FSTL4: variants seen among roughly 807,000 people sequenced by gnomAD.
FSTL4 encodes the protein follistatin like 4.
A neutral mutation model predicts 78.2 loss-of-function variants in FSTL4; 28 were observed. The ratio of observed to expected loss-of-function variants is 0.36; its 90% CI spans 0.27 to 0.49. The LOEUF (loss-of-function observed/expected upper bound fraction) is 0.49, where lower values mean the gene tolerates loss of function less well. Ranked by LOEUF, FSTL4 falls within the 20% of genes least tolerant of loss-of-function variation. The pLI is 0.98. For missense variants in FSTL4, 922 were observed against 1,084.9 expected, an observed-to-expected ratio of 0.85 and a Z score of 2.11; for synonymous variants, 422 against 440.5, an observed-to-expected ratio of 0.96 and a Z score of 0.53.
chr5:133,475,438 C>T (rs1019992718), intron 3 of FSTL4, among the ~76,000 whole-genome samples: 1 of 152,234 alleles, frequency 6.6e-6, no homozygotes, highest in Admixed American at 6.5e-5. Flanking sequence ...GTGCCTCCCC[C>T]TCCCCTGCCA....
At chr5:133,782,048 A>T in the FSTL4 span, among the ~76,000 whole-genome samples, 1 of 152,258 alleles carries the variant, frequency 6.6e-6, no homozygotes, top group African/African-American at 2.4e-5. Context: ...TGTGGAAAAC[A>T]GCAAACTCAG....
intron 2 of FSTL4, among the ~76,000 whole-genome samples, chr5:133,578,095 G>C (rs1381139837): frequency 6.6e-6 from 1 of 152,158 alleles, no homozygotes; most frequent in African/African-American, 2.4e-5. Flanking sequence ...GAGTTTAAAG[G>C]GAGGTTTATC....
chr5:133,212,941 A>C (rs1317069007), intron 13 of FSTL4, among the ~76,000 whole-genome samples: 1 of 152,212 alleles, frequency 6.6e-6, no homozygotes, highest in Non-Finnish European at 1.5e-5. Context: ...TAATGAAATG[A>C]TACCTTAAAA....
At chr5:133,685,210 G>A in the FSTL4 span, among the ~76,000 whole-genome samples, 2 of 152,178 alleles carry the variant, frequency 1.3e-5, no homozygotes, top group Admixed American at 1.3e-4. Flanking sequence ...CTCCTGGGAT[G>A]GGGCCCATCC....
At chr5:133,285,583 C>G (rs543347518) in intron 6 of FSTL4, among the ~76,000 whole-genome samples, 1 of 152,208 alleles carries the variant, frequency 6.6e-6, no homozygotes, top group South Asian at 2.1e-4. Flanking sequence ...CCTGTTTCCT[C>G]CAAGGCCAAG....
intron 3 of FSTL4, among the ~76,000 whole-genome samples, chr5:133,434,333 T>C (rs1438996318): frequency 6.6e-6 from 1 of 152,240 alleles, no homozygotes; most frequent in Non-Finnish European, 1.5e-5. Context: ...TATTTCACCT[T>C]AGTCTTTTCC....
chr5:133,751,049 C>A, the FSTL4 span, among the ~76,000 whole-genome samples: 2 of 152,038 alleles, frequency 1.3e-5, no homozygotes, highest in Admixed American at 1.3e-4. Context: ...GCCCTCCCAT[C>A]CTTCGCCACC....
the FSTL4 span, among the ~76,000 whole-genome samples, chr5:133,632,006 G>A: frequency 6.6e-6 from 1 of 152,112 alleles, no homozygotes; most frequent in East Asian, 1.9e-4. Context: ...TGTGGGGTGG[G>A]GGTTAGGGGA....
the FSTL4 span, among the ~76,000 whole-genome samples, chr5:133,657,168 C>T: frequency 7.6e-4 from 116 of 152,238 alleles, 1 homozygote; most frequent in African/African-American, 2.7e-3. Flanking sequence ...AAGTCCGCTA[C>T]GCTGTGCTGT....
intron 3 of FSTL4, among the ~76,000 whole-genome samples, chr5:133,410,755 T>C (rs541433652): frequency 1.4e-4 from 22 of 152,314 alleles, no homozygotes; most frequent in Admixed American, 5.9e-4. Context: ...AAATATCTAA[T>C]ATTAGCACAG....
chr5:133,630,218 C>T, the FSTL4 span, among the ~76,000 whole-genome samples: 11 of 152,384 alleles, frequency 7.2e-5, no homozygotes, highest in East Asian at 2.1e-3. Context: ...TCTCTGTTTG[C>T]AGATGACATG....
At chr5:133,229,582 A>G (rs767709098) in intron 8 of FSTL4, among the ~76,000 whole-genome samples, 49 of 152,186 alleles carry the variant, frequency 3.2e-4, no homozygotes, top group Non-Finnish European at 8.8e-5. Context: ...AGAAGAAAAA[A>G]TATCCAAGAA....
chr5:133,271,500 C>A (rs1280549554), intron 6 of FSTL4, among the ~76,000 whole-genome samples: 1 of 152,198 alleles, frequency 6.6e-6, no homozygotes, highest in Admixed American at 6.5e-5. Flanking sequence ...CTTTAAACTT[C>A]TTGCCAGGAG....
At chr5:133,696,363 GC>G in the FSTL4 span, among the ~76,000 whole-genome samples, 2 of 152,198 alleles carry the variant, frequency 1.3e-5, no homozygotes, top group Non-Finnish European at 2.9e-5. Flanking sequence ...CTGGGCATCC[GC>G]CCCATCCACC....
intron 3 of FSTL4, among the ~76,000 whole-genome samples, chr5:133,489,122 T>A (rs1758204565): frequency 6.6e-6 from 1 of 152,172 alleles, no homozygotes; most frequent in Non-Finnish European, 1.5e-5. Context: ...CCCAGAAGCA[T>A]CCAAAATTCT....
the FSTL4 span, among the ~76,000 whole-genome samples, chr5:133,714,101 C>G: frequency 6.6e-6 from 1 of 152,150 alleles, no homozygotes; most frequent in African/African-American, 2.4e-5. Context: ...AAGGGCTCGT[C>G]TGGGCGCTGG....
At chr5:133,820,570 T>C in the FSTL4 span, among the ~76,000 whole-genome samples, 1 of 152,240 alleles carries the variant, frequency 6.6e-6, no homozygotes, top group Non-Finnish European at 1.5e-5. Context: ...CTGTGATTTA[T>C]ACATTGCAGT....
the FSTL4 span, among the ~76,000 whole-genome samples, chr5:133,717,984 GTTT>G: frequency 2.3e-4 from 35 of 152,148 alleles, no homozygotes; most frequent in Non-Finnish European, 4.0e-4. Context: ...CTGCCCAACT[GTTT>G]TACAAAGTGG....
the FSTL4 span, among the ~76,000 whole-genome samples, chr5:133,813,757 C>T: frequency 1.3e-5 from 2 of 152,204 alleles, no homozygotes; most frequent in South Asian, 2.1e-4. Flanking sequence ...AGCAGTGTTT[C>T]TCCCCATCCC....
Sources: allele counts gnomAD v4.1 joint callset (sites outside exome capture counted in the v4.1 genomes callset), GRCh38; gene constraint gnomAD v4.1.1; transcripts MANE v1.5; gene names NCBI Gene and HGNC (gene_info 2026-07-23, HGNC 2026-07-21).